Variants in ATP9B observed in about 807,000 individuals in gnomAD.
ATP9B encodes probable phospholipid-transporting ATPase IIB.
ATP9B carries 110 observed loss-of-function variants against 146.1 expected under a neutral mutation model. The observed-to-expected ratio is 0.75, with a 90% CI of 0.65 to 0.88. ATP9B has a LOEUF of 0.88. ATP9B is among the 40% of genes least tolerant of loss of function. ATP9B has a pLI of 0.00. For missense variants in ATP9B, 1,499 were observed against 1,496.4 expected, an observed-to-expected ratio of 1.00 and a Z score of -0.03; for synonymous variants, 604 against 569.7, an observed-to-expected ratio of 1.06 and a Z score of -0.86.
intron 1 of ATP9B, among the ~76,000 whole-genome samples, chr18:79,083,714 T>G (rs1419993597): frequency 1.3e-5 from 2 of 152,126 alleles, no homozygotes; most frequent in African/African-American, 4.8e-5. Context: ...CCACTTTGCT[T>G]CAGCTTGCCC....
chr18:79,211,283 G>A (rs947874703), intron 10 of ATP9B, among the ~76,000 whole-genome samples: 1 of 152,220 alleles, frequency 6.6e-6, no homozygotes, highest in Admixed American at 6.5e-5. Context: ...TACAACTGTA[G>A]TCAATTAGAA....
intron 7 of ATP9B, among the ~76,000 whole-genome samples, chr18:79,168,466 T>C (rs1329359364): frequency 6.6e-6 from 1 of 151,880 alleles, no homozygotes; most frequent in East Asian, 1.9e-4. Flanking sequence ...AGGGCTGAGC[T>C]ATGTGTTCTT....
chr18:79,323,962 A>G (rs1282077426), intron 15 of ATP9B, among the ~76,000 whole-genome samples: 1 of 152,086 alleles, frequency 6.6e-6, no homozygotes, highest in Non-Finnish European at 1.5e-5. Context: ...CAGCATTTGA[A>G]TTGCTGTCTT....
intron 14 of ATP9B, among the ~76,000 whole-genome samples, chr18:79,305,403 T>G (rs1330899131): frequency 6.6e-6 from 1 of 152,226 alleles, no homozygotes; most frequent in Admixed American, 6.5e-5. Flanking sequence ...ATGGAATGTT[T>G]ATCCACACAC....
rs73971523 is a variant in ATP9B at position 79,211,901 on chromosome 18, G to C, written c.1031-2061G>C. Among the ~76,000 whole-genome samples the C allele has an allele frequency of 4.8e-3, 735 of 152,198 alleles. 9 individuals carry two copies. The highest frequency in any genetic ancestry group is 0.016 in the African/African-American group (666 of 41,536). On this transcript the variant is annotated intron_variant, in intron 10 of 29. Coordinates refer to ENST00000426216, the MANE Select transcript of ATP9B (RefSeq NM_198531.5). ...CACTGAAAATATGGGTTAAAGTTTTGGAATTCTTCTGTTTAAGTATTTCAT... is the reference window on the plus strand; with the variant it reads ...CACTGAAAATATGGGTTAAAGTTTTCGAATTCTTCTGTTTAAGTATTTCAT...
Position 79,345,646 on chromosome 18 carries a change from G to A in ATP9B, c.2617+74G>A. ...AGGCTGACATTGATGGGCAAAGTTT[G>A]TTCCATCTCTAAAACTAGATTGATT... is the stretch of plus-strand genomic sequence containing the variant. On this transcript the variant is annotated intron_variant, in intron 22 of 29. Transcript: ENST00000426216. 3.1e-6 allele frequency: 5 copies of A among 1,596,432 alleles called. No individual in the cohort carries two copies. The South Asian group carries it at 3.3e-5, about 11-fold the overall frequency.
At chr18:79,147,315 A>C (rs928980697) in intron 6 of ATP9B, among the ~76,000 whole-genome samples, 1 of 152,236 alleles carries the variant, frequency 6.6e-6, no homozygotes, top group Non-Finnish European at 1.5e-5. Context: ...CTCCGCAGTG[A>C]TGTGGAAGAT....
intron 11 of ATP9B, among the ~76,000 whole-genome samples, chr18:79,250,238 G>A (rs573568889): frequency 6.6e-6 from 1 of 152,300 alleles, no homozygotes; most frequent in South Asian, 2.1e-4. Context: ...GGCTTTTACA[G>A]TTCCTCACTG....
At chr18:79,207,197 C>T (rs1321353959) in intron 10 of ATP9B, among the ~76,000 whole-genome samples, 185 bp downstream of exon 10, 1 of 152,220 alleles carries the variant, frequency 6.6e-6, no homozygotes, top group Admixed American at 6.5e-5. Context: ...TGTGCTGCTC[C>T]TCAGACACTG....
rs574780446 is a variant in ATP9B, at chr18:79,253,415, C to T, written c.1142C>T (p.Thr381Met). The change falls in exon 12 of 30, where the codon ACG (threonine) becomes ATG (methionine). Residue 381 changes from threonine to methionine, a missense_variant. Physicochemically the swap from Thr to Met is moderately conservative, Grantham distance 81. Transcript: ENST00000426216. Reference protein sequence around the residue: ...GLLDLELNRLTKALFLALVAL... With the variant: ...GLLDLELNRLMKALFLALVAL... ...TTGGACCTTGAACTCAATCGGCTGACGAAAGCGCTATTTTTGGCTTTAGTT... is the reference window on the plus strand; with the variant it reads ...TTGGACCTTGAACTCAATCGGCTGATGAAAGCGCTATTTTTGGCTTTAGTT... 4.1e-5 allele frequency: 66 copies of T among 1,612,332 alleles called. No homozygotes were observed. The highest frequency in any genetic ancestry group is 2.4e-4 in the South Asian group (22 of 90,448).
At chr18:79,094,904 T>C (rs750814256) in intron 1 of ATP9B, among the ~76,000 whole-genome samples, 5 of 152,220 alleles carry the variant, frequency 3.3e-5, no homozygotes, top group Non-Finnish European at 7.3e-5. Context: ...GTACACGACA[T>C]GTACACTCGG....
intron 4 of ATP9B, among the ~76,000 whole-genome samples, chr18:79,123,812 T>C (rs1318742259): frequency 6.6e-6 from 1 of 152,184 alleles, no homozygotes. Context: ...ATAGTAACTT[T>C]TATAACTCAA....
chr18:79,176,715 T>C (rs943446702), intron 7 of ATP9B, 98 bp from the exon 8 acceptor site: 2 of 928,544 alleles, frequency 2.2e-6, no homozygotes, highest in African/African-American at 3.3e-5. Context: ...TTCTTTGTCC[T>C]ACTGTGCCCT....
At chr18:79,084,655 T>C (rs1252761760) in intron 1 of ATP9B, among the ~76,000 whole-genome samples, 1 of 152,180 alleles carries the variant, frequency 6.6e-6, no homozygotes, top group Admixed American at 6.5e-5. Flanking sequence ...AAAAACAGCT[T>C]TCATATGAGC....
Position 79,347,883 on chromosome 18 carries a change from C to A in ATP9B, c.2796C>A (p.Gly932=). 1 of 1,613,868 alleles carries A rather than the reference C, an allele frequency of 6.2e-7. No individual in the cohort carries two copies. Among genetic ancestry groups the A allele is most frequent in the Non-Finnish European group, 8.5e-7 (1 of 1,179,888 alleles). ...RNSYKRSAAL[G]QFVMHRGLII... is the part of the protein sequence containing the mutation. ...GCTACAAGAGGTCGGCGGCACTCGG[C>A]CAGTTCGTCATGCACAGGGGCCTTA... is the stretch of plus-strand genomic sequence containing the variant. The change falls in exon 24 of 30, where the codon GGC becomes GGA. Residue 932 remains glycine (G), a synonymous_variant. Transcript: ENST00000426216.
chr18:79,206,081 C>G (rs957252610), intron 9 of ATP9B, among the ~76,000 whole-genome samples: 1 of 152,010 alleles, frequency 6.6e-6, no homozygotes, highest in Admixed American at 6.5e-5. Context: ...GCTGGGACTA[C>G]AGGTGCCCGC....
chr18:79,177,194 T>A (rs933157642), intron 8 of ATP9B, among the ~76,000 whole-genome samples: 2 of 152,100 alleles, frequency 1.3e-5, no homozygotes, highest in Admixed American at 1.3e-4. Flanking sequence ...CCCTTCCCCC[T>A]CTTCCGCCTC....
In ATP9B at chr18:79,348,180, G is replaced by T; in HGVS notation, c.2887G>T (p.Gly963Cys). The T allele has an allele frequency of 6.2e-7, 1 of 1,611,048 alleles. No homozygotes were observed. The change falls in exon 25 of 30, where the codon GGC becomes TGC. Residue 963 changes from glycine (G) to cysteine (C), a missense_variant. By Grantham distance (159) the Gly-to-Cys change is radical. Coordinates refer to ENST00000426216, the MANE Select transcript of ATP9B (RefSeq NM_198531.5). The stretch of plus-strand genomic sequence containing the variant: ...CTTCGCATCCGTCCCTTTGTATCAG[G>T]GCTTCCTCATGGTGGGGTAAGTTAC... ...FYFASVPLYQ[G>C]FLMVGYATIY...
rs1256988962 is a variant in ATP9B at position 79,378,257 on chromosome 18, A to G, written c.*874A>G. 1.3e-5 allele frequency: 2 copies of G among 152,282 alleles called. No homozygotes were observed. The highest frequency in any genetic ancestry group is 2.9e-5 in the Non-Finnish European group (2 of 68,056). The allele number at this position is 152,282 out of a possible 1,614,324, so 9.4% of individuals were successfully genotyped here. A position where few individuals can be genotyped will look rare whatever the true frequency, so the allele number is the denominator to read the frequency against. On this transcript the variant is annotated 3_prime_UTR_variant, in exon 30 of 30. Coordinates refer to ENST00000426216, the MANE Select transcript of ATP9B (RefSeq NM_198531.5). The stretch of plus-strand genomic sequence containing the variant: ...TTGCATTTCGCTTTTCAGTAAAAAC[A>G]GTCAAGTTACTGAGTTCTCACATAA...
Sources: gnomAD v4.1 joint callset for allele counts (sites outside exome capture counted in the v4.1 genomes callset) on GRCh38, gnomAD v4.1.1 for gene constraint, MANE v1.5 for transcripts, NCBI Gene and HGNC (gene_info 2026-07-23, HGNC 2026-07-21) for gene names.